Variants in PRKG1 observed in about 807,000 individuals in gnomAD.
PRKG1 encodes cGMP-dependent protein kinase 1.
Under a neutral mutation model 88.1 loss-of-function variants are expected in PRKG1, and 35 were observed. The observed-to-expected ratio is 0.40, with a 90% CI of 0.30 to 0.53. The LOEUF (loss-of-function observed/expected upper bound fraction) is 0.53. PRKG1 is among the 20% of genes least tolerant of loss of function. The pLI, the probability that PRKG1 is intolerant of heterozygous loss-of-function variation, is 0.59. For missense variants in PRKG1, 540 were observed against 839.8 expected, an observed-to-expected ratio of 0.64 and a Z score of 4.41; for synonymous variants, 303 against 292.5, an observed-to-expected ratio of 1.04 and a Z score of -0.37.
chr10:51,356,903 C>T (rs1842377695), intron 2 of PRKG1, among the ~76,000 whole-genome samples: 1 of 152,114 alleles, frequency 6.6e-6, no homozygotes, highest in Non-Finnish European at 1.5e-5. Context: ...CATCTATCCT[C>T]TCTATTAGGC....
chr10:51,958,464 AG>A (rs1195369506), intron 5 of PRKG1, among the ~76,000 whole-genome samples: 1 of 151,148 alleles, frequency 6.6e-6, no homozygotes, highest in East Asian at 2.0e-4. Context: ...ACTGGACCAG[AG>A]TTTTTTTTAG....
intron 2 of PRKG1, among the ~76,000 whole-genome samples, chr10:51,283,304 C>G (rs1160420673): frequency 6.6e-6 from 1 of 152,026 alleles, no homozygotes; most frequent in East Asian, 1.9e-4. Context: ...AAAAAGCCTA[C>G]TAGTTACTTG....
chr10:51,255,950 C>A (rs1230002630), intron 2 of PRKG1, among the ~76,000 whole-genome samples: 1 of 152,060 alleles, frequency 6.6e-6, no homozygotes, highest in African/African-American at 2.4e-5. Flanking sequence ...AATAAGGGCC[C>A]AGAGAAGACT....
At chr10:52,227,950 T>C (rs188187905) in intron 9 of PRKG1, among the ~76,000 whole-genome samples, 1 of 152,338 alleles carries the variant, frequency 6.6e-6, no homozygotes, top group East Asian at 1.9e-4. Context: ...TCAGATCTCT[T>C]TCCCTTTCCA....
At chr10:51,231,027 C>T (rs1393180611) in intron 2 of PRKG1, among the ~76,000 whole-genome samples, 1 of 152,152 alleles carries the variant, frequency 6.6e-6, no homozygotes, top group Admixed American at 6.5e-5. Context: ...GTCTGGAATT[C>T]ACCTCTGCAT....
At chr10:51,873,682 C>T (rs774436483) in intron 4 of PRKG1, among the ~76,000 whole-genome samples, 3 of 151,982 alleles carry the variant, frequency 2.0e-5, no homozygotes, top group Non-Finnish European at 4.4e-5. Flanking sequence ...TACGTGCCAC[C>T]GTGCCCCAGC....
intron 10 of PRKG1, among the ~76,000 whole-genome samples, chr10:52,261,843 A>G (rs766316082): frequency 3.9e-5 from 6 of 152,210 alleles, no homozygotes; most frequent in Non-Finnish European, 2.9e-5. Flanking sequence ...ATATAATCCA[A>G]CATTGATGTG....
intron 1 of PRKG1, among the ~76,000 whole-genome samples, chr10:51,093,674 A>T (rs951477547): frequency 6.8e-6 from 1 of 147,278 alleles, no homozygotes; most frequent in Admixed American, 6.8e-5. Context: ...ATATGTATGT[A>T]TGTGTGTATA....
At chr10:51,197,303 C>T (rs144749657) in intron 2 of PRKG1, among the ~76,000 whole-genome samples, 9 of 152,190 alleles carry the variant, frequency 5.9e-5, no homozygotes, top group African/African-American at 2.2e-4. Flanking sequence ...GATGGAGTCT[C>T]ACTCTGTCTC....
intron 1 of PRKG1, among the ~76,000 whole-genome samples, chr10:51,012,193 T>C (rs1843001689): frequency 6.6e-6 from 1 of 152,168 alleles, no homozygotes; most frequent in Admixed American, 6.5e-5. Flanking sequence ...AAGACATGAT[T>C]GCAAGTGAAA....
intron 2 of PRKG1, among the ~76,000 whole-genome samples, chr10:51,181,365 C>T (rs1837340889): frequency 6.7e-6 from 1 of 149,920 alleles, no homozygotes; most frequent in African/African-American, 2.4e-5. Context: ...CCTCAGCCTC[C>T]CGAGTAGCTG....
At chr10:51,898,711 G>A (rs551556101) in intron 4 of PRKG1, among the ~76,000 whole-genome samples, 3 of 152,228 alleles carry the variant, frequency 2.0e-5, no homozygotes, top group Admixed American at 6.5e-5. Context: ...TAACTACTCA[G>A]GAGGCTGAGG....
intron 3 of PRKG1, among the ~76,000 whole-genome samples, chr10:51,675,927 C>T (rs1241362181): frequency 6.6e-5 from 10 of 151,988 alleles, no homozygotes; most frequent in Non-Finnish European, 8.8e-5. Flanking sequence ...ATTTCACCAG[C>T]CTGTCATCAT....
intron 3 of PRKG1, chr10:51,698,821 A>G (rs141640089): frequency 2.1e-5 from 34 of 1,614,072 alleles, no homozygotes; most frequent in Non-Finnish European, 2.8e-5. Flanking sequence ...CAGGTCTTCT[A>G]GCCAAATGCT....
intron 5 of PRKG1, among the ~76,000 whole-genome samples, chr10:52,012,901 G>A (rs1429401227): frequency 6.6e-6 from 1 of 152,138 alleles, no homozygotes; most frequent in Non-Finnish European, 1.5e-5. Flanking sequence ...ATACCATGTG[G>A]TAATTATTAT....
rs1842339724 is a variant in PRKG1, at chr10:52,294,535, C to T, written c.*635C>T. 1 of 152,562 alleles carries T rather than the reference C, an allele frequency of 6.6e-6. No individual in the cohort carries two copies. Among genetic ancestry groups the T allele is most frequent in the African/African-American group, 2.4e-5 (1 of 41,436 alleles). The allele number at this position is 152,562 out of a possible 1,614,324, so 9.5% of individuals were successfully genotyped here. On this transcript the variant is annotated 3_prime_UTR_variant, in exon 18 of 18. Transcript: ENST00000373980. Reference sequence around the variant, plus strand: ...AAAAATTGATATGATAAAAGCACAACTGCTATAGATTCTGCTGAGACCTCT... The same window carrying T: ...AAAAATTGATATGATAAAAGCACAATTGCTATAGATTCTGCTGAGACCTCT...
chr10:52,018,672 GTGTTTAC>G (rs1489084332), intron 5 of PRKG1, among the ~76,000 whole-genome samples: 1 of 152,144 alleles, frequency 6.6e-6, no homozygotes. Context: ...TTATGATCTT[GTGTTTAC>G]TGATATCAAA....
At chr10:51,176,616 A>G (rs1837201723) in intron 2 of PRKG1, among the ~76,000 whole-genome samples, 1 of 152,178 alleles carries the variant, frequency 6.6e-6, no homozygotes, top group Admixed American at 6.6e-5. Flanking sequence ...TACAATGAGG[A>G]GTTAATAGAA....
At chr10:51,448,902 T>A (rs1430085461) in intron 2 of PRKG1, among the ~76,000 whole-genome samples, 1 of 152,070 alleles carries the variant, frequency 6.6e-6, no homozygotes, top group African/African-American at 2.4e-5. Flanking sequence ...ATGAGGAATT[T>A]ATGAAAAGTA....
Sources: gnomAD v4.1 joint callset for allele counts (sites outside exome capture counted in the v4.1 genomes callset) on GRCh38, gnomAD v4.1.1 for gene constraint, MANE v1.5 for transcripts, NCBI Gene and HGNC (gene_info 2026-07-23, HGNC 2026-07-21) for gene names.